Variants in LRP8 observed in about 807,000 individuals in gnomAD.
LRP8 encodes the protein LDL receptor related protein 8.
LRP8 carries 46 observed loss-of-function variants against 111.6 expected under a neutral mutation model. The ratio of observed to expected loss-of-function variants is 0.41; its 90% CI spans 0.33 to 0.53. LRP8 has a LOEUF of 0.53. Among genes scored for constraint, LRP8 ranks in the 20% least tolerant of loss-of-function variants. The pLI, the probability that LRP8 is intolerant of heterozygous loss-of-function variation, is 0.20. For missense variants in LRP8, 959 were observed against 1,297.4 expected, an observed-to-expected ratio of 0.74 and a Z score of 4.01; for synonymous variants, 464 against 511.2, an observed-to-expected ratio of 0.91 and a Z score of 1.24.
At chr1:53,276,581 G>T in intron 5 of LRP8, 111 bp downstream of exon 5, 1 of 832,470 alleles carries the variant, frequency 1.2e-6, no homozygotes, top group Non-Finnish European at 1.7e-6. Flanking sequence ...TAGTAAACCC[G>T]GGTAATGTAT....
chr1:53,272,959 G>C (rs112922416), intron 6 of LRP8, among the ~76,000 whole-genome samples: 6 of 152,208 alleles, frequency 3.9e-5, no homozygotes, highest in African/African-American at 1.4e-4. Flanking sequence ...GGCATGTGTA[G>C]GTGGGATGGC....
intron 18 of LRP8, among the ~76,000 whole-genome samples, chr1:53,248,148 C>T (rs376137680): frequency 2.2e-4 from 33 of 152,280 alleles, no homozygotes; most frequent in African/African-American, 7.2e-4. Flanking sequence ...CCTAGGTCAA[C>T]GTAACCAACA....
chr1:53,248,396 C>T (rs1044251201), intron 18 of LRP8, among the ~76,000 whole-genome samples: 2 of 152,190 alleles, frequency 1.3e-5, no homozygotes, highest in East Asian at 3.9e-4. Context: ...TACAGTTATC[C>T]GAGAAATGGA....
At chr1:53,299,977 C>T (rs1650494363) in intron 2 of LRP8, among the ~76,000 whole-genome samples, 1 of 152,258 alleles carries the variant, frequency 6.6e-6, no homozygotes, top group Admixed American at 6.5e-5. Flanking sequence ...CAGTCCCTTA[C>T]AGTCCACTCC....
At position 53,293,005 on chromosome 1, in the gene LRP8, C is replaced by T. The variant is rs946627142; in HGVS notation, c.245-3316G>A. On this transcript the variant is annotated intron_variant, in intron 2 of 18. Coordinates refer to ENST00000306052, the MANE Select transcript of LRP8 (RefSeq NM_004631.5). The surrounding 1 kb of genome is among the most constrained non-coding windows in gnomAD (Gnocchi z 4.9). ...CTGAGAACACAGAATCAGCCCAGCC[C>T]AGTCTCTGGGAATTAAGAGCAAGTA... Among the ~76,000 whole-genome samples, 2 of 152,224 alleles carry T rather than the reference C, an allele frequency of 1.3e-5. No homozygotes were observed. Among genetic ancestry groups the T allele is most frequent in the Non-Finnish European group, 2.9e-5 (2 of 68,040 alleles).
In LRP8 at chr1:53,262,450, G is replaced by A; in HGVS notation, c.1770C>T (p.Thr590=). The A allele has an allele frequency of 6.2e-7, 1 of 1,613,842 alleles. No homozygotes were observed. The highest frequency in any genetic ancestry group is 8.5e-7 in the Non-Finnish European group (1 of 1,179,900). The change falls in exon 11 of 19, where the codon ACC becomes ACT. Residue 590 remains threonine, a synonymous_variant. Transcript: ENST00000306052. The surrounding 1 kb of genome is among the most constrained non-coding windows in gnomAD (Gnocchi z 4.8). ...CCCAGGAAAGGCAGGGCTCACCCAG[G>A]GTGATTCCGTTGGGCCATTCAATAT... ...SDNIEWPNGI[T]LDLLSQRLYW... is the part of the protein sequence containing the mutation.
intron 2 of LRP8, among the ~76,000 whole-genome samples, chr1:53,290,238 CG>C (rs1232490671): frequency 2.0e-5 from 3 of 152,122 alleles, no homozygotes; most frequent in Admixed American, 6.5e-5. Context: ...CCCTGCCCCC[CG>C]GTGCCTACAG....
chr1:53,300,507 C>T (rs1387083444), intron 2 of LRP8, among the ~76,000 whole-genome samples: 2 of 152,232 alleles, frequency 1.3e-5, no homozygotes, highest in Admixed American at 6.5e-5. Context: ...CCGACCCAGG[C>T]AGTGCCTACG....
chr1:53,251,897 T>G (rs565864745), intron 16 of LRP8, among the ~76,000 whole-genome samples: 124 of 151,690 alleles, frequency 8.2e-4, no homozygotes, highest in African/African-American at 2.9e-3. Context: ...TACAAAGTAG[T>G]TGGGCATGGT....
chr1:53,299,725 A>G (rs752062975), intron 2 of LRP8, among the ~76,000 whole-genome samples: 3 of 152,260 alleles, frequency 2.0e-5, no homozygotes, highest in Non-Finnish European at 4.4e-5. Context: ...GAGAGAGGTT[A>G]AGAATATCTC....
chr1:53,252,917 G>A (rs972690678), intron 16 of LRP8, among the ~76,000 whole-genome samples: 1 of 152,146 alleles, frequency 6.6e-6, no homozygotes, highest in African/African-American at 2.4e-5. Context: ...TAGTATGTAG[G>A]AATATATAAA....
intron 15 of LRP8, among the ~76,000 whole-genome samples, chr1:53,255,894 AAAATGCTTGGCACAAC>A (rs1646069092): frequency 2.0e-5 from 3 of 152,242 alleles, no homozygotes; most frequent in Non-Finnish European, 2.9e-5. Flanking sequence ...AAATGAATAT[AAAATGCTTGGCACAAC>A]TTTGCCTAGT....
chr1:53,303,941 T>C lies in LRP8; in HGVS notation c.245-14252A>G, dbSNP rs978965933. 1.3e-5 allele frequency among the ~76,000 whole-genome samples: 2 copies of C among 152,200 alleles called. No homozygotes were observed. The highest frequency in any genetic ancestry group is 2.9e-5 in the Non-Finnish European group (2 of 68,042). On this transcript the variant is annotated intron_variant, in intron 2 of 18. Coordinates refer to ENST00000306052, the MANE Select transcript of LRP8 (RefSeq NM_004631.5). This position sits in a 1 kb window ranked among gnomAD's most constrained non-coding sequence, Gnocchi z 4.3. Reference sequence around the variant, plus strand: ...TCCCCACTTTGTACAAATGGATTTTTCACCCCTCCTTGTTCTTTGGCTCGG... The same window carrying C: ...TCCCCACTTTGTACAAATGGATTTTCCACCCCTCCTTGTTCTTTGGCTCGG...
At chr1:53,256,906 G>T (rs759590918) in intron 15 of LRP8, among the ~76,000 whole-genome samples, 2 of 152,230 alleles carry the variant, frequency 1.3e-5, no homozygotes, top group Non-Finnish European at 2.9e-5. Context: ...AGCAACGGCT[G>T]TGTGCGTGAG....
chr1:53,276,857 C>G lies in LRP8; in HGVS notation c.718G>C (p.Glu240Gln). 7.4e-7 allele frequency: 1 copy of G among 1,351,030 alleles called. No homozygotes were observed. The highest frequency in any genetic ancestry group is 9.5e-7 in the Non-Finnish European group (1 of 1,053,138). 83.7% of individuals were successfully genotyped at this position (1,351,030 alleles called of 1,614,324 possible). ...GGACGGCCGCAGAGCTCGGCTGCCT[C>G]GTCCGAGCGGTCCTCGCAGTCAAAC... The part of the protein sequence containing the change: ...RQFDCEDRSD[E>Q]AAELCGRPGP... The change falls in exon 5 of 19, where the codon GAG (glutamate) becomes CAG (glutamine). Residue 240 changes from glutamate (E) to glutamine (Q), a missense_variant. Coordinates refer to ENST00000306052, the MANE Select transcript of LRP8 (RefSeq NM_004631.5).
rs74083910 is a variant in LRP8 at position 53,317,664 on chromosome 1, C to T, written c.244+9209G>A. 1.5e-3 allele frequency among the ~76,000 whole-genome samples: 229 copies of T among 152,208 alleles called. No homozygotes were observed. Among genetic ancestry groups the T allele is most frequent in the African/African-American group, 5.3e-3 (220 of 41,550 alleles). ...GGCTCAGGAAGGGAAGGGAAACGCT[C>T]ATTTTCAGGGCCAGGCTCTGGGCAA... On this transcript the variant is annotated intron_variant, in intron 2 of 18. Coordinates refer to ENST00000306052, the MANE Select transcript of LRP8 (RefSeq NM_004631.5). The surrounding 1 kb of genome is among the most constrained non-coding windows in gnomAD (Gnocchi z 4.9).
In LRP8 at chr1:53,244,790, A is replaced by G. The variant is rs544452945; in HGVS notation, c.*2228T>C. The G allele has an allele frequency of 1.3e-5, 2 of 152,350 alleles. No individual in the cohort carries two copies. Among genetic ancestry groups the G allele is most frequent in the South Asian group, 2.1e-4 (1 of 4,828 alleles). The allele number at this position is 152,350 out of a possible 1,614,324, so 9.4% of individuals were successfully genotyped here. Reference sequence around the variant, plus strand: ...AAATTCAGTTTCTTTGGAAGGTTACAGAAAAAGTCACTTGTTTTGAGTACA... The same window carrying G: ...AAATTCAGTTTCTTTGGAAGGTTACGGAAAAAGTCACTTGTTTTGAGTACA... On this transcript the variant is annotated 3_prime_UTR_variant, in exon 19 of 19. Coordinates refer to ENST00000306052, the MANE Select transcript of LRP8 (RefSeq NM_004631.5).
intron 6 of LRP8, among the ~76,000 whole-genome samples, chr1:53,271,750 A>G (rs1646767982): frequency 1.3e-5 from 2 of 151,830 alleles, no homozygotes; most frequent in African/African-American, 4.8e-5. Context: ...GTCACATCCA[A>G]CCCTCAGGAT....
At chr1:53,319,764 G>A (rs979678603) in intron 2 of LRP8, among the ~76,000 whole-genome samples, 14 of 152,224 alleles carry the variant, frequency 9.2e-5, no homozygotes, top group Admixed American at 6.5e-4. Flanking sequence ...AATTAAAACC[G>A]CTGCCGGGGG....
Sources: allele counts gnomAD v4.1 joint callset (sites outside exome capture counted in the v4.1 genomes callset), GRCh38; gene constraint gnomAD v4.1.1; non-coding constraint Gnocchi (gnomAD v3.1); transcripts MANE v1.5; gene names NCBI Gene and HGNC (gene_info 2026-07-23, HGNC 2026-07-21).